Variants in EYS observed in about 807,000 individuals in gnomAD.
EYS encodes protein eyes shut homolog.
A neutral mutation model predicts 282.1 loss-of-function variants in EYS; 250 were observed. That is an observed-to-expected ratio of 0.89 (90% CI 0.80 to 0.98). The LOEUF is 0.98. EYS is among the 50% of genes least tolerant of loss of function. EYS has a pLI of 0.00. For missense variants in EYS, 4,016 were observed against 3,709.0 expected (o/e 1.08, Z -2.15); for synonymous variants, 1,355 against 1,282.9 (o/e 1.06, Z -1.20).
At chr6:65,234,306 G>C (rs1472215286) in intron 12 of EYS, among the ~76,000 whole-genome samples, 2 of 152,074 alleles carry the variant, frequency 1.3e-5, no homozygotes, top group Non-Finnish European at 2.9e-5. Context: ...GGATGGAAGT[G>C]GTGTTATTAT....
chr6:63,750,254 G>T (rs910239902), intron 41 of EYS, among the ~76,000 whole-genome samples: 13 of 152,090 alleles, frequency 8.5e-5, no homozygotes, highest in Non-Finnish European at 4.4e-5. Flanking sequence ...ATCTGCATTC[G>T]TTAGGGTTGA....
intron 35 of EYS, among the ~76,000 whole-genome samples, chr6:63,953,467 C>T (rs1277981740): frequency 1.2e-4 from 18 of 152,224 alleles, no homozygotes; most frequent in South Asian, 4.1e-4. Context: ...TCATCTGTTA[C>T]GTATCTTGGC....
intron 26 of EYS, among the ~76,000 whole-genome samples, chr6:64,526,200 G>A (rs867038891): frequency 6.6e-5 from 10 of 151,844 alleles, no homozygotes; most frequent in Non-Finnish European, 1.3e-4. Context: ...AGGGGTGGGA[G>A]GAAAATGATT....
At chr6:64,660,686 T>G (rs985458314) in intron 22 of EYS, among the ~76,000 whole-genome samples, 10 of 152,160 alleles carry the variant, frequency 6.6e-5, no homozygotes, top group Non-Finnish European at 1.3e-4. Context: ...ACAAGGGATG[T>G]GAAGGACCTC....
rs1767142093 is a variant in EYS, at chr6:65,637,798, G to A, written c.-333+1980C>T. ...TCCTCCAGACTTCGGGCACCAACAA[G>A]CACAGGAGGGAGGCTGGCGGGCGTG... On this transcript the variant is annotated intron_variant, in intron 2 of 42. Transcript: ENST00000503581. Among the ~76,000 whole-genome samples, 3 of 152,194 alleles carry A rather than the reference G, an allele frequency of 2.0e-5. No individual in the cohort carries two copies. In the South Asian group the frequency reaches 6.2e-4, roughly 31 times the overall value.
At chr6:64,770,661 T>G (rs1773498516) in intron 22 of EYS, among the ~76,000 whole-genome samples, 1 of 151,910 alleles carries the variant, frequency 6.6e-6, no homozygotes, top group African/African-American at 2.4e-5. Flanking sequence ...TTTGAAGGTA[T>G]GCAACATCAC....
At chr6:64,064,389 G>A (rs1199366484) in intron 33 of EYS, among the ~76,000 whole-genome samples, 1 of 152,216 alleles carries the variant, frequency 6.6e-6, no homozygotes, top group African/African-American at 2.4e-5. Context: ...TCGAGAGCAT[G>A]CTTAGCAGAT....
intron 35 of EYS, among the ~76,000 whole-genome samples, chr6:63,877,078 A>T (rs558281467): frequency 6.6e-6 from 1 of 152,178 alleles, no homozygotes; most frequent in East Asian, 1.9e-4. Flanking sequence ...GGTCTTTACA[A>T]TTTGGCATGA....
At chr6:64,613,168 C>T (rs1027075943) in intron 24 of EYS, among the ~76,000 whole-genome samples, 12 of 152,070 alleles carry the variant, frequency 7.9e-5, no homozygotes, top group African/African-American at 2.9e-4. Context: ...TAATTTTTTA[C>T]ATGTTAATGG....
chr6:63,791,669 G>T (rs1770517993), intron 37 of EYS, among the ~76,000 whole-genome samples: 2 of 152,010 alleles, frequency 1.3e-5, no homozygotes, highest in African/African-American at 4.8e-5. Context: ...TGAAAAGGGA[G>T]AAAGGGCTAT....
intron 26 of EYS, among the ~76,000 whole-genome samples, chr6:64,570,413 T>C (rs1765688631): frequency 6.6e-6 from 1 of 152,126 alleles, no homozygotes; most frequent in Admixed American, 6.6e-5. Context: ...GCTAGCATCA[T>C]AATGACAGGA....
chr6:63,753,116 ATATG>A (rs1289826982), intron 41 of EYS, among the ~76,000 whole-genome samples: 1 of 134,098 alleles, frequency 7.5e-6, no homozygotes, highest in Non-Finnish European at 1.5e-5. Flanking sequence ...CTACTAAAAA[ATATG>A]TGTGTGTATG....
intron 2 of EYS, among the ~76,000 whole-genome samples, chr6:65,587,838 A>G (rs1765107517): frequency 6.6e-6 from 1 of 152,132 alleles, no homozygotes; most frequent in African/African-American, 2.4e-5. Flanking sequence ...TGTGTGAGAT[A>G]TAACCAACTT....
At chr6:64,871,695 T>C (rs1180617007) in intron 19 of EYS, among the ~76,000 whole-genome samples, 1 of 152,038 alleles carries the variant, frequency 6.6e-6, no homozygotes, top group Non-Finnish European at 1.5e-5. Context: ...ATTACTAAAA[T>C]GCTAGTCAGC....
chr6:64,509,604 A>G (rs1187463117), intron 26 of EYS, among the ~76,000 whole-genome samples: 1 of 152,172 alleles, frequency 6.6e-6, no homozygotes, highest in Non-Finnish European at 1.5e-5. Context: ...TCTACGGGGT[A>G]CACATTAATG....
At chr6:63,881,067 A>G (rs1489984867) in intron 35 of EYS, among the ~76,000 whole-genome samples, 1 of 152,200 alleles carries the variant, frequency 6.6e-6, no homozygotes, top group African/African-American at 2.4e-5. Context: ...AAATGGATAA[A>G]AGAATAAAAG....
At chr6:65,083,177 T>A (rs1463994436) in intron 12 of EYS, among the ~76,000 whole-genome samples, 1 of 152,010 alleles carries the variant, frequency 6.6e-6, no homozygotes, top group African/African-American at 2.4e-5. Context: ...TTATTCATTT[T>A]CTCAGTATTA....
intron 22 of EYS, among the ~76,000 whole-genome samples, chr6:64,805,265 G>T (rs1380002329): frequency 1.3e-5 from 2 of 151,894 alleles, no homozygotes; most frequent in Non-Finnish European, 2.9e-5. Context: ...ATAAACAGAT[G>T]TATTTTTAAA....
intron 39 of EYS, among the ~76,000 whole-genome samples, chr6:63,784,805 A>G (rs962817074): frequency 2.6e-5 from 4 of 152,272 alleles, no homozygotes; most frequent in South Asian, 4.1e-4. Context: ...AAATTCAGTT[A>G]TTATTCTAGA....
Sources: allele counts gnomAD v4.1 joint callset (sites outside exome capture counted in the v4.1 genomes callset), GRCh38; gene constraint gnomAD v4.1.1; transcripts MANE v1.5; gene names NCBI Gene and HGNC (gene_info 2026-07-23, HGNC 2026-07-21).